MTUS2: variants seen among roughly 807,000 people sequenced by gnomAD.
MTUS2 encodes the protein microtubule-associated tumor suppressor candidate 2.
MTUS2 carries 40 observed loss-of-function variants against 114.1 expected under a neutral mutation model. That is an observed-to-expected ratio of 0.35 (90% CI 0.27 to 0.46). The LOEUF is 0.46. Ranked by LOEUF, MTUS2 falls within the 20% of genes least tolerant of loss-of-function variation. MTUS2 has a pLI of 1.00. For synonymous variants in MTUS2, 688 were observed against 672.0 expected (o/e 1.02, Z -0.37); for missense variants, 1,679 against 1,705.4 (o/e 0.98, Z 0.27).
rs1264120984 is a variant in MTUS2, at chr13:29,505,655, ACGTTCGGATGCTGCAGCCTCTGC to A, written c.*2450_*2472del. On this transcript the variant is annotated 3_prime_UTR_variant, in exon 16 of 16. Coordinates refer to ENST00000612955, the MANE Select transcript of MTUS2 (RefSeq NM_001033602.4). Reference sequence around the variant, plus strand: ...CCTTCCAGGCTGGAGCGACGTTTCCACGTTCGGATGCTGCAGCCTCTGCACCTGCCTCAGACAGACCCACCAGA... The same window carrying A: ...CCTTCCAGGCTGGAGCGACGTTTCCAACCTGCCTCAGACAGACCCACCAGA... 5.6e-5 allele frequency: 13 copies of A among 230,570 alleles called. No individual in the cohort carries two copies. The highest frequency in any genetic ancestry group is 2.9e-4 in the African/African-American group (13 of 45,128). 14.3% of individuals were successfully genotyped at this position (230,570 alleles called of 1,614,324 possible).
At chr13:29,399,447 G>A (rs887340404) in intron 8 of MTUS2, among the ~76,000 whole-genome samples, 6 of 152,066 alleles carry the variant, frequency 3.9e-5, no homozygotes, top group South Asian at 2.1e-4. Flanking sequence ...AGTTGCCCTC[G>A]TTCAAACAAC....
intron 2 of MTUS2, 33 bp from the exon 3 acceptor site, chr13:29,024,424 A>T: frequency 2.6e-6 from 1 of 379,266 alleles, no homozygotes; most frequent in Non-Finnish European, 4.7e-6. Flanking sequence ...CTATTTGTCA[A>T]TCTAATGTGA....
intron 2 of MTUS2, among the ~76,000 whole-genome samples, chr13:28,869,317 C>T (rs189722592): frequency 9.9e-5 from 15 of 152,238 alleles, no homozygotes; most frequent in Admixed American, 2.0e-4. Context: ...TCACATTGAC[C>T]TCGATCATAG....
chr13:28,900,279 A>G lies in MTUS2; in HGVS notation c.-243+60429A>G, dbSNP rs1331697587. ...CCACTTACCTTGTTCAGATTCTCCC[A>G]CCAGTTTTACCTGTAGCTGTGTGTG... On this transcript the variant is annotated intron_variant, in intron 2 of 15. Coordinates refer to ENST00000612955, the MANE Select transcript of MTUS2 (RefSeq NM_001033602.4). Among the ~76,000 whole-genome samples the G allele has an allele frequency of 2.6e-5, 4 of 152,054 alleles. No homozygotes were observed. The East Asian group carries it at 7.7e-4, about 29-fold the overall frequency.
At chr13:29,276,902 AAATAAATAAATAAATAAATG>A (rs922550480) in intron 5 of MTUS2, among the ~76,000 whole-genome samples, 1 of 151,940 alleles carries the variant, frequency 6.6e-6, no homozygotes, top group Non-Finnish European at 1.5e-5. Flanking sequence ...CGTCTCAAAT[AAATAAATAAATAAATAAATG>A]AATAAATAAA....
chr13:29,023,665 A>T (rs975332350), intron 2 of MTUS2, among the ~76,000 whole-genome samples: 5 of 152,168 alleles, frequency 3.3e-5, no homozygotes, highest in Non-Finnish European at 1.5e-5. Context: ...TTAAATCTCT[A>T]ATTGTCCTAA....
At chr13:29,272,056 T>C (rs1897900026) in intron 5 of MTUS2, among the ~76,000 whole-genome samples, 1 of 152,238 alleles carries the variant, frequency 6.6e-6, no homozygotes, top group Non-Finnish European at 1.5e-5. Flanking sequence ...ATATTTCATT[T>C]TGAAAAAGAA....
At chr13:29,051,787 A>C (rs326515) in intron 4 of MTUS2, among the ~76,000 whole-genome samples, 1 of 152,044 alleles carries the variant, frequency 6.6e-6, no homozygotes, top group Non-Finnish European at 1.5e-5. Flanking sequence ...AAGTGGAGTC[A>C]TGGAGACCAA....
chr13:29,222,471 A>C (rs537247953), intron 5 of MTUS2, among the ~76,000 whole-genome samples: 25 of 152,334 alleles, frequency 1.6e-4, no homozygotes, highest in African/African-American at 6.0e-4. Flanking sequence ...TAATAGAATA[A>C]TTTTGGGATA....
chr13:29,475,667 TAAA>T (rs1438779009), intron 9 of MTUS2, among the ~76,000 whole-genome samples: 3 of 151,948 alleles, frequency 2.0e-5, no homozygotes, highest in Admixed American at 2.0e-4. Flanking sequence ...AAAAAGTAAA[TAAA>T]AATTTTAAAA....
intron 5 of MTUS2, among the ~76,000 whole-genome samples, chr13:29,262,880 A>C (rs1228104952): frequency 1.3e-5 from 2 of 152,124 alleles, no homozygotes; most frequent in African/African-American, 4.8e-5. Flanking sequence ...ATCTTGAAGA[A>C]ATGACAGCTG....
intron 8 of MTUS2, among the ~76,000 whole-genome samples, chr13:29,434,834 T>C (rs1347743287): frequency 6.6e-6 from 1 of 152,202 alleles, no homozygotes; most frequent in African/African-American, 2.4e-5. Flanking sequence ...GTTAATGGGA[T>C]GATTAGTGGG....
intron 2 of MTUS2, among the ~76,000 whole-genome samples, chr13:28,956,598 C>A (rs646293): frequency 6.6e-6 from 1 of 152,128 alleles, no homozygotes; most frequent in Admixed American, 6.5e-5. Context: ...AAAGACCATA[C>A]ATAATAAAGA....
intron 8 of MTUS2, among the ~76,000 whole-genome samples, chr13:29,361,880 T>A (rs1870286356): frequency 6.6e-6 from 1 of 152,242 alleles, no homozygotes; most frequent in African/African-American, 2.4e-5. Context: ...TTTTGTACAC[T>A]GTAGCATATT....
intron 5 of MTUS2, among the ~76,000 whole-genome samples, chr13:29,208,153 T>C (rs1333138925): frequency 6.6e-6 from 1 of 152,090 alleles, no homozygotes; most frequent in African/African-American, 2.4e-5. Context: ...CCTGGTTTAA[T>C]CTAGGAAGGT....
chr13:29,452,543 A>G (rs1260650947), intron 9 of MTUS2, among the ~76,000 whole-genome samples: 1 of 150,100 alleles, frequency 6.7e-6, no homozygotes, highest in Non-Finnish European at 1.5e-5. Flanking sequence ...GGTGTATGCT[A>G]CTACACCCAA....
At chr13:29,151,529 C>A (rs1051192995) in intron 5 of MTUS2, among the ~76,000 whole-genome samples, 1 of 152,110 alleles carries the variant, frequency 6.6e-6, no homozygotes, top group African/African-American at 2.4e-5. Context: ...GCCTTTATTT[C>A]TTTCTCTTGC....
At chr13:29,443,585 G>A (rs1878059256) in intron 9 of MTUS2, among the ~76,000 whole-genome samples, 1 of 152,234 alleles carries the variant, frequency 6.6e-6, no homozygotes, top group Non-Finnish European at 1.5e-5. Flanking sequence ...TTCATCCCTG[G>A]CACACACTTC....
At chr13:29,426,981 C>T (rs1284160585) in intron 8 of MTUS2, among the ~76,000 whole-genome samples, 1 of 152,138 alleles carries the variant, frequency 6.6e-6, no homozygotes, top group Non-Finnish European at 1.5e-5. Context: ...AGCTTTCAGC[C>T]CAGGTTTGAG....
Sources: allele counts gnomAD v4.1 joint callset (sites outside exome capture counted in the v4.1 genomes callset), GRCh38; gene constraint gnomAD v4.1.1; transcripts MANE v1.5; gene names NCBI Gene and HGNC (gene_info 2026-07-23, HGNC 2026-07-21).